The following AGBL4 variants were observed in gnomAD, a reference collection of about 807,000 sequenced individuals.
AGBL4 encodes AGBL carboxypeptidase 4.
Under a neutral mutation model 66.4 loss-of-function variants are expected in AGBL4, and 58 were observed. The ratio of observed to expected loss-of-function variants is 0.87; its 90% confidence interval spans 0.71 to 1.09. The LOEUF (loss-of-function observed/expected upper bound fraction) is 1.09. AGBL4 is among the 50% of genes least tolerant of loss of function. The probability of loss-of-function intolerance (pLI) is 0.00; values close to 1 mark genes in which losing one functional copy is unlikely to be tolerated. For synonymous variants in AGBL4, 234 were observed against 222.9 expected, an observed-to-expected ratio of 1.05 and a Z score of -0.44; for missense variants, 579 against 631.0, an observed-to-expected ratio of 0.92 and a Z score of 0.88.
chr1:49,397,614 T>C (rs1317402947), intron 3 of AGBL4, among the ~76,000 whole-genome samples: 1 of 152,158 alleles, frequency 6.6e-6, no homozygotes, highest in Non-Finnish European at 1.5e-5. Context: ...ACAAAGGGGC[T>C]AAAATGACAA....
chr1:49,756,117 A>G (rs1651868017), intron 2 of AGBL4, among the ~76,000 whole-genome samples: 1 of 152,138 alleles, frequency 6.6e-6, no homozygotes, highest in Non-Finnish European at 1.5e-5. Flanking sequence ...TTTTTGAAAT[A>G]TCAATATAAT....
At chr1:50,021,024 A>G (rs1662405805) in intron 1 of AGBL4, among the ~76,000 whole-genome samples, 1 of 152,228 alleles carries the variant, frequency 6.6e-6, no homozygotes, top group African/African-American at 2.4e-5. Context: ...GAATTAAACA[A>G]AGACTGAGGC....
At chr1:49,047,279 TGG>T (rs1339591903) in intron 4 of AGBL4, among the ~76,000 whole-genome samples, 16 of 151,926 alleles carry the variant, frequency 1.1e-4, no homozygotes, top group Non-Finnish European at 1.5e-5. Context: ...GGGTCTAAGG[TGG>T]GTAAGAATCT....
chr1:48,949,109 G>A (rs2148925156), intron 5 of AGBL4, among the ~76,000 whole-genome samples: 1 of 152,294 alleles, frequency 6.6e-6, no homozygotes, highest in East Asian at 1.9e-4. Context: ...CCCACTTCAA[G>A]TATCTAAAGG....
rs543059211 is a variant in AGBL4 at position 48,792,783 on chromosome 1, T to C, written c.634+74408A>G. On this transcript the variant is annotated intron_variant, in intron 6 of 13. Coordinates refer to ENST00000371839, the MANE Select transcript of AGBL4 (RefSeq NM_032785.4). ...AAGTGTGAACTAGTTTTTAAATTTT[T>C]AGAAAACTACAAATATTTAAGCATT... is the stretch of plus-strand genomic sequence containing the variant. Among the ~76,000 whole-genome samples the C allele has an allele frequency of 6.6e-5, 10 of 152,338 alleles. No individual in the cohort carries two copies. In the South Asian group the frequency reaches 2.1e-3, roughly 32 times the overall value.
intron 3 of AGBL4, among the ~76,000 whole-genome samples, chr1:49,586,662 C>A (rs72686715): frequency 7.9e-4 from 119 of 151,414 alleles, no homozygotes; most frequent in African/African-American, 2.3e-3. Context: ...GACTGACTGA[C>A]TGAATGAATG....
chr1:49,945,358 A>G (rs1571927057), intron 1 of AGBL4, among the ~76,000 whole-genome samples: 1 of 152,168 alleles, frequency 6.6e-6, no homozygotes, highest in African/African-American at 2.4e-5. Flanking sequence ...TCAAATTAAC[A>G]GCAGATTTCT....
intron 3 of AGBL4, among the ~76,000 whole-genome samples, chr1:49,381,802 C>T (rs1342266768): frequency 7.2e-6 from 1 of 138,714 alleles, no homozygotes; most frequent in Non-Finnish European, 1.5e-5. Flanking sequence ...ACAATGAGAA[C>T]ACATGGACAC....
intron 2 of AGBL4, among the ~76,000 whole-genome samples, chr1:49,829,585 G>T (rs1287354930): frequency 6.6e-6 from 1 of 152,036 alleles, no homozygotes; most frequent in Admixed American, 6.6e-5. Flanking sequence ...ATTTTTACTG[G>T]AAATCTTTCC....
chr1:49,685,662 A>G (rs570479272), intron 3 of AGBL4, among the ~76,000 whole-genome samples: 9 of 152,276 alleles, frequency 5.9e-5, no homozygotes, highest in African/African-American at 1.7e-4. Context: ...AAGGATGTTG[A>G]GCATTTTTTC....
At chr1:49,000,136 A>T (rs1661299013) in intron 5 of AGBL4, among the ~76,000 whole-genome samples, 1 of 152,180 alleles carries the variant, frequency 6.6e-6, no homozygotes, top group Non-Finnish European at 1.5e-5. Context: ...GCAAGTAGGT[A>T]CTATTATTAT....
chr1:49,991,938 A>C (rs1014997531), intron 1 of AGBL4, among the ~76,000 whole-genome samples: 1 of 152,208 alleles, frequency 6.6e-6, no homozygotes, highest in Non-Finnish European at 1.5e-5. Flanking sequence ...TATAAAATAG[A>C]AATTAATCTC....
chr1:49,153,551 T>C (rs1292467333), intron 4 of AGBL4, among the ~76,000 whole-genome samples: 1 of 152,088 alleles, frequency 6.6e-6, no homozygotes, highest in Non-Finnish European at 1.5e-5. Context: ...CACCATCTAA[T>C]AGAGTAAGTA....
chr1:49,420,561 C>T (rs1358054428), intron 3 of AGBL4, among the ~76,000 whole-genome samples: 1 of 151,926 alleles, frequency 6.6e-6, no homozygotes, highest in Non-Finnish European at 1.5e-5. Flanking sequence ...ATTAGCCAGG[C>T]GTGGTGTTGG....
chr1:49,343,125 C>A (rs941185765), intron 3 of AGBL4, among the ~76,000 whole-genome samples: 7 of 151,690 alleles, frequency 4.6e-5, no homozygotes, highest in African/African-American at 1.7e-4. Context: ...TCTTCTCAGT[C>A]GGCCTGAATT....
chr1:49,776,439 T>C (rs1182292288), intron 2 of AGBL4, among the ~76,000 whole-genome samples: 1 of 152,140 alleles, frequency 6.6e-6, no homozygotes, highest in East Asian at 1.9e-4. Flanking sequence ...AAATCCAAAA[T>C]AATCCAGAAT....
chr1:48,534,354 C>T, intron 13 of AGBL4, 61 bp from the exon 14 acceptor site: 1 of 1,491,712 alleles, frequency 6.7e-7, no homozygotes, highest in Non-Finnish European at 8.9e-7. Flanking sequence ...GTGATGAAAT[C>T]ATTTGTGTGC....
chr1:48,555,751 G>A (rs1644311631), intron 11 of AGBL4, among the ~76,000 whole-genome samples: 1 of 152,176 alleles, frequency 6.6e-6, no homozygotes, highest in South Asian at 2.1e-4. Context: ...CCTGGTCCAG[G>A]GAGAATGGTG....
intron 1 of AGBL4, among the ~76,000 whole-genome samples, chr1:49,937,404 C>A (rs1292457603): frequency 6.6e-6 from 1 of 151,938 alleles, no homozygotes; most frequent in East Asian, 1.9e-4. Context: ...GACTTTAACA[C>A]CCCACTGTCA....
Sources: gnomAD v4.1 joint callset for allele counts (sites outside exome capture counted in the v4.1 genomes callset) on GRCh38, gnomAD v4.1.1 for gene constraint, MANE v1.5 for transcripts, NCBI Gene and HGNC (gene_info 2026-07-23, HGNC 2026-07-21) for gene names.